The following TEP1 variants were observed in gnomAD, a reference collection of about 807,000 sequenced individuals.
TEP1 encodes telomerase associated protein 1.
A neutral mutation model predicts 306.3 loss-of-function variants in TEP1; 241 were observed. The observed-to-expected ratio is 0.79, with a 90% CI of 0.71 to 0.88. The LOEUF (loss-of-function observed/expected upper bound fraction) is 0.88, where lower values mean the gene tolerates loss of function less well. TEP1 is among the 40% of genes least tolerant of loss of function. TEP1 has a pLI of 0.00. For missense variants in TEP1, 3,051 were observed against 3,276.1 expected (o/e 0.93, Z 1.68); for synonymous variants, 1,289 against 1,305.5 (o/e 0.99, Z 0.27).
At chr14:20,406,818 C>A (rs907874369) in intron 2 of TEP1, among the ~76,000 whole-genome samples, 1 of 152,234 alleles carries the variant, frequency 6.6e-6, no homozygotes, top group South Asian at 2.1e-4. Context: ...TTCACTACCA[C>A]CTATCTGATA....
chr14:20,406,655 T>C (rs374254590), intron 2 of TEP1, among the ~76,000 whole-genome samples: 1 of 152,238 alleles, frequency 6.6e-6, no homozygotes, highest in African/African-American at 2.4e-5. Context: ...CATCTCTTCA[T>C]TGGCGTCACA....
At chr14:20,388,196 A>AT (rs1877371389) in intron 17 of TEP1, 133 bp from the exon 18 acceptor site, 1 of 891,768 alleles carries the variant, frequency 1.1e-6, no homozygotes, top group African/African-American at 1.7e-5. Context: ...TAAGAAGAGG[A>AT]CCATAAGCAG....
chr14:20,391,228 G>A lies in TEP1; in HGVS notation c.2098-132C>T, dbSNP rs978818036. Reference sequence around the variant, plus strand: ...AAAAGTGTAAAATCCCAAGTTAGGAGGGGTCAGCTTCAGCAGCCCTCAGGA... The same window carrying A: ...AAAAGTGTAAAATCCCAAGTTAGGAAGGGTCAGCTTCAGCAGCCCTCAGGA... On this transcript the variant is annotated intron_variant, in intron 13 of 54. Transcript: ENST00000262715. 60 of 963,838 alleles carry A rather than the reference G, an allele frequency of 6.2e-5. No individual in the cohort carries two copies. In the African/African-American group the frequency reaches 8.2e-4, roughly 13 times the overall value. 59.7% of individuals were successfully genotyped at this position (963,838 alleles called of 1,614,324 possible).
intron 1 of TEP1, among the ~76,000 whole-genome samples, chr14:20,409,375 G>A (rs1779021500): frequency 6.6e-6 from 1 of 152,058 alleles, no homozygotes; most frequent in South Asian, 2.1e-4. Flanking sequence ...ATACTTTCCT[G>A]GAGTGGTCTC....
At chr14:20,376,303 G>C in intron 41 of TEP1, 39 bp from the exon 42 acceptor site, 1 of 1,593,304 alleles carries the variant, frequency 6.3e-7, no homozygotes, top group Non-Finnish European at 8.6e-7. Flanking sequence ...CTTCCTGAAA[G>C]AGGAAGCCAG....
Position 20,382,028 on chromosome 14 carries a change from C to T in TEP1, c.4309G>A (p.Val1437Met), listed in dbSNP as rs980757782. The T allele has an allele frequency of 1.4e-5, 22 of 1,614,086 alleles. No homozygotes were observed. Among genetic ancestry groups the T allele is most frequent in the Non-Finnish European group, 1.8e-5 (21 of 1,180,036 alleles). The change falls in exon 30 of 55, where the codon GTG becomes ATG. Residue 1437 changes from valine to methionine, a missense_variant. By Grantham distance (21) the Val-to-Met change is conservative. Transcript: ENST00000262715. The stretch of plus-strand genomic sequence containing the variant: ...GTCCCCTTCGGTAGTGTCCGCCACA[C>T]ACTCAGCACTCCGTGCAGCTGGTCC... Reference protein sequence around the residue: ...TVDQLHGVLSVWRTLPKGTKS... With the variant: ...TVDQLHGVLSMWRTLPKGTKS...
chr14:20,391,723 G>T lies in TEP1; in HGVS notation c.1973C>A (p.Ala658Asp), dbSNP rs773954864. 2 of 1,614,200 alleles carry T rather than the reference G, an allele frequency of 1.2e-6. No homozygotes were observed. Among genetic ancestry groups the T allele is most frequent in the Non-Finnish European group, 1.7e-6 (2 of 1,180,022 alleles). Reference protein sequence around the residue: ...DGEMLNRYRQALETAVNLSVK... With the variant: ...DGEMLNRYRQDLETAVNLSVK... ...AGAGAGGTTCACAGCTGTCTCTAGG[G>T]CCTGTCGGTACCTGTTCAGCATCTC... The change falls in exon 13 of 55, where the codon GCC (alanine) becomes GAC (aspartate). Residue 658 changes from alanine (A) to aspartate (D), a missense_variant. Coordinates refer to ENST00000262715, the MANE Select transcript of TEP1 (RefSeq NM_007110.5).
chr14:20,370,238 TC>T (rs1884755165), intron 51 of TEP1, among the ~76,000 whole-genome samples: 1 of 147,738 alleles, frequency 6.8e-6, no homozygotes, highest in African/African-American at 2.5e-5. Flanking sequence ...TAAATGTACA[TC>T]GGCGATGTAT....
chr14:20,395,990 G>A (rs201206043), intron 10 of TEP1, 41 bp from the exon 11 acceptor site: 166 of 1,507,794 alleles, frequency 1.1e-4, no homozygotes, highest in Admixed American at 2.2e-4. Context: ...CACAGGAGCC[G>A]GGAGTATGGG....
rs1566433578 is a variant in TEP1, at chr14:20,368,342, G to T, written c.*95C>A. On this transcript the variant is annotated 3_prime_UTR_variant, in exon 55 of 55. Transcript: ENST00000262715. Reference sequence around the variant, plus strand: ...GACACTTCATTTTTATAATTATCAAGAAATTATTAATTTTATAATTATTAA... The same window carrying T: ...GACACTTCATTTTTATAATTATCAATAAATTATTAATTTTATAATTATTAA... 4 of 1,381,294 alleles carry T rather than the reference G, an allele frequency of 2.9e-6. No homozygotes were observed. Among genetic ancestry groups the T allele is most frequent in the Admixed American group, 2.3e-5 (1 of 43,940 alleles). 85.6% of individuals were successfully genotyped at this position (1,381,294 alleles called of 1,614,324 possible).
At chr14:20,371,395 A>G (rs1417083577) in intron 50 of TEP1, 81 bp from the exon 51 acceptor site, 1 of 1,599,016 alleles carries the variant, frequency 6.3e-7, no homozygotes, top group Non-Finnish European at 8.6e-7. Context: ...AAGACTCCAG[A>G]GTTTTCTTCT....
chr14:20,411,081 A>G (rs1000927669), intron 1 of TEP1, among the ~76,000 whole-genome samples: 1 of 151,898 alleles, frequency 6.6e-6, no homozygotes, highest in Non-Finnish European at 1.5e-5. Flanking sequence ...CAGCCTCCCA[A>G]AGTGCTAGGA....
Position 20,381,502 on chromosome 14 carries a change from C to T in TEP1, c.4558+51G>A, listed in dbSNP as rs1312523524. ...GGAGCACAGTGGGTGGTCCTGGCCT[C>T]CAGGCCCAAGCCCCACACTCAGTGC... On this transcript the variant is annotated intron_variant, in intron 31 of 54. Transcript: ENST00000262715. This position sits in a 1 kb window ranked among gnomAD's most constrained non-coding sequence, Gnocchi z 4.0. The T allele has an allele frequency of 3.1e-6, 5 of 1,612,694 alleles. No homozygotes were observed. Among genetic ancestry groups the T allele is most frequent in the Non-Finnish European group, 4.2e-6 (5 of 1,180,012 alleles).
chr14:20,386,413 C>T, intron 19 of TEP1, 34 bp downstream of exon 19: 4 of 1,580,910 alleles, frequency 2.5e-6, no homozygotes, highest in Non-Finnish European at 3.4e-6. Flanking sequence ...CCCCTCATCC[C>T]CGACCCAGCC....
intron 1 of TEP1, among the ~76,000 whole-genome samples, chr14:20,409,181 C>A (rs749829724): frequency 6.6e-6 from 1 of 152,150 alleles, no homozygotes; most frequent in African/African-American, 2.4e-5. Context: ...TCTTATTTCA[C>A]CCCTCAAGTA....
At chr14:20,384,928 A>C in intron 21 of TEP1, 57 bp downstream of exon 21, 1 of 1,611,926 alleles carries the variant, frequency 6.2e-7, no homozygotes, top group Non-Finnish European at 8.5e-7. Context: ...AGGAGAGAAG[A>C]CTGGCCTGTC....
rs939347766 is a variant in TEP1 at position 20,391,750 on chromosome 14, C to T, written c.1946G>A (p.Gly649Asp). 4 of 1,614,030 alleles carry T rather than the reference C, an allele frequency of 2.5e-6. No individual in the cohort carries two copies. The highest frequency in any genetic ancestry group is 1.3e-5 in the African/African-American group (1 of 74,924). The change falls in exon 13 of 55, where the codon GGT (glycine) becomes GAT (aspartate). Residue 649 changes from glycine to aspartate, a missense_variant. This residue lies in a region of TEP1 where 1,507 missense variants were observed against 1,550.5 expected (regional missense o/e 0.97). Transcript: ENST00000262715. ...CTGTCGGTACCTGTTCAGCATCTCACCATCATATTTCCACTGTCTACATGC... is the reference window on the plus strand; with the variant it reads ...CTGTCGGTACCTGTTCAGCATCTCATCATCATATTTCCACTGTCTACATGC... Reference protein sequence around the residue: ...VHKARQWKYDGEMLNRYRQAL... With the variant: ...VHKARQWKYDDEMLNRYRQAL...
rs143730670 is a variant in TEP1, at chr14:20,384,847, C to T, written c.3108-134G>A. On this transcript the variant is annotated intron_variant, in intron 21 of 54. Coordinates refer to ENST00000262715, the MANE Select transcript of TEP1 (RefSeq NM_007110.5). ...CTCCTGACTCCAGCACCAAGGCTGA[C>T]GTGGGGCTGCAAAGGCATGCTGAGT... is the stretch of plus-strand genomic sequence containing the variant. The T allele has an allele frequency of 1.3e-5, 19 of 1,492,368 alleles. No homozygotes were observed. The African/African-American group carries it at 1.8e-4, about 14-fold the overall frequency. The allele number at this position is 1,492,368 out of a possible 1,614,324, so 92.4% of individuals were successfully genotyped here.
At chr14:20,408,853 G>A (rs1879412339) in intron 1 of TEP1, among the ~76,000 whole-genome samples, 1 of 150,592 alleles carries the variant, frequency 6.6e-6, no homozygotes, top group African/African-American at 2.4e-5. Flanking sequence ...ACAACAAAAA[G>A]GAATGGCTGG....
Sources: allele counts gnomAD v4.1 joint callset (sites outside exome capture counted in the v4.1 genomes callset), GRCh38; gene constraint gnomAD v4.1.1; regional missense constraint gnomAD v4.1.1; non-coding constraint Gnocchi (gnomAD v3.1); transcripts MANE v1.5; gene names NCBI Gene and HGNC (gene_info 2026-07-23, HGNC 2026-07-21).